PISD: variants seen among roughly 807,000 people sequenced by gnomAD.
PISD encodes the protein phosphatidylserine decarboxylase.
PISD carries 31 observed loss-of-function variants against 43.5 expected under a neutral mutation model. That is an observed-to-expected ratio of 0.71 (90% CI 0.54 to 0.96). The LOEUF (loss-of-function observed/expected upper bound fraction) is 0.96. PISD is among the 40% of genes least tolerant of loss of function. PISD has a pLI of 0.00. For synonymous variants in PISD, 259 were observed against 228.7 expected, an observed-to-expected ratio of 1.13 and a Z score of -1.20; for missense variants, 523 against 548.4, an observed-to-expected ratio of 0.95 and a Z score of 0.46.
At chr22:31,648,362 G>T in intron 2 of PISD, 86 bp from the exon 3 acceptor site, 1 of 1,227,542 alleles carries the variant, frequency 8.1e-7, no homozygotes, top group Non-Finnish European at 1.1e-6. Context: ...GGAGGGTCAG[G>T]AAAAGTCAGC....
chr22:31,655,997 A>G (rs1020364356), intron 1 of PISD, among the ~76,000 whole-genome samples: 2 of 152,002 alleles, frequency 1.3e-5, no homozygotes, highest in African/African-American at 4.8e-5. Flanking sequence ...TGGCAAGGCA[A>G]TGAAAACTAC....
intron 3 of PISD, among the ~76,000 whole-genome samples, chr22:31,636,535 G>A (rs943904886): frequency 3.0e-5 from 4 of 134,380 alleles, no homozygotes; most frequent in African/African-American, 1.1e-4. Context: ...GCTAATTTCT[G>A]GGTTTTGTTT....
In PISD at chr22:31,662,194, C is replaced by T. The variant is rs745754639; in HGVS notation, c.15G>A (p.Val5=). ...GCAGTAATCCCAGACATCGGTGCCCCACGGACGTCGCCATCTTGTCTGCTC... is the reference window on the plus strand; with the variant it reads ...GCAGTAATCCCAGACATCGGTGCCCTACGGACGTCGCCATCTTGTCTGCTC... MATS[V]GHRCLGLLHG... Residue 5 remains valine (V), a synonymous_variant, in exon 1 of 8, where the codon GTG becomes GTA. Coordinates refer to ENST00000439502, the MANE Select transcript of PISD (RefSeq NM_001326411.2). 1 of 1,604,844 alleles carries T rather than the reference C, an allele frequency of 6.2e-7. No homozygotes were observed. Among genetic ancestry groups the T allele is most frequent in the South Asian group, 1.1e-5 (1 of 91,090 alleles).
intron 3 of PISD, among the ~76,000 whole-genome samples, chr22:31,626,565 C>T (rs2072920413): frequency 6.6e-6 from 1 of 152,206 alleles, no homozygotes; most frequent in Admixed American, 6.5e-5. Context: ...CAGCTCCCTG[C>T]TCCAGGCCTC....
intron 1 of PISD, among the ~76,000 whole-genome samples, chr22:31,655,225 G>A (rs1283131785): frequency 6.6e-6 from 1 of 151,822 alleles, no homozygotes; most frequent in Non-Finnish European, 1.5e-5. Context: ...GAATGCTGGA[G>A]TTTATCTGTT....
rs1460620137 is a variant in PISD at position 31,620,668 on chromosome 22, T to C, written c.890A>G (p.Glu297Gly). 2 of 1,614,016 alleles carry C rather than the reference T, an allele frequency of 1.2e-6. No homozygotes were observed. ...CACCCGCTCGTTATGGCAGAAGAGC[T>C]CTTTGATCCAGCGAGCCATGCCAGG... is the stretch of plus-strand genomic sequence containing the variant. ...VNPGMARWIK[E>G]LFCHNERVVL... Residue 297 changes from glutamate to glycine, a missense_variant, in exon 7 of 8, where the codon GAG (glutamate) becomes GGG (glycine). Transcript: ENST00000439502.
chr22:31,662,196 C>T lies in PISD; in HGVS notation c.13G>A (p.Val5Met). The T allele has an allele frequency of 1.9e-6, 3 of 1,604,560 alleles. No individual in the cohort carries two copies. Among genetic ancestry groups the T allele is most frequent in the Non-Finnish European group, 2.5e-6 (3 of 1,179,818 alleles). Residue 5 changes from valine to methionine, a missense_variant, in exon 1 of 8, where the codon GTG becomes ATG. Physicochemically the swap from Val to Met is conservative, Grantham distance 21. Coordinates refer to ENST00000439502, the MANE Select transcript of PISD (RefSeq NM_001326411.2). ...AGTAATCCCAGACATCGGTGCCCCA[C>T]GGACGTCGCCATCTTGTCTGCTCCT... MATS[V>M]GHRCLGLLHG...
rs2072758926 is a variant in PISD, at chr22:31,624,364, C to A, written c.322-2479G>T. Among the ~76,000 whole-genome samples, 4 of 152,208 alleles carry A rather than the reference C, an allele frequency of 2.6e-5. No homozygotes were observed. The South Asian group carries it at 8.3e-4, about 31-fold the overall frequency. ...AGCTACGACCCAGCCAGCTGGGTAACCATTTGCTGAGTCTTCCGCTACCAT... is the reference window on the plus strand; with the variant it reads ...AGCTACGACCCAGCCAGCTGGGTAAACATTTGCTGAGTCTTCCGCTACCAT... On this transcript the variant is annotated intron_variant, in intron 3 of 7. Transcript: ENST00000439502.
Position 31,618,618 on chromosome 22 carries a change from C to T in PISD, c.*994G>A, listed in dbSNP as rs958222471. ...GTTGAAAAAATTCAATGATGTCTCT[C>T]CTGCAGGAGAAATTCACAGCATCCC... is the stretch of plus-strand genomic sequence containing the variant. On this transcript the variant is annotated 3_prime_UTR_variant, in exon 8 of 8. Coordinates refer to ENST00000439502, the MANE Select transcript of PISD (RefSeq NM_001326411.2). The T allele has an allele frequency of 2.1e-5, 10 of 484,514 alleles. No homozygotes were observed. Among genetic ancestry groups the T allele is most frequent in the Non-Finnish European group, 3.4e-5 (10 of 293,734 alleles). 30.0% of individuals were successfully genotyped at this position (484,514 alleles called of 1,614,324 possible). A position where few individuals can be genotyped will look rare whatever the true frequency, so the allele number is the denominator to read the frequency against.
chr22:31,642,120 C>A (rs928075833), intron 3 of PISD, among the ~76,000 whole-genome samples: 5 of 151,256 alleles, frequency 3.3e-5, no homozygotes, highest in Admixed American at 6.6e-5. Flanking sequence ...GGTAAAGCCT[C>A]AGTGGCAACC....
At chr22:31,649,447 T>A (rs539406586) in intron 2 of PISD, among the ~76,000 whole-genome samples, 1 of 152,190 alleles carries the variant, frequency 6.6e-6, no homozygotes, top group African/African-American at 2.4e-5. Context: ...TAAAATGAGG[T>A]TGCAGGCTGG....
chr22:31,619,555 A>G lies in PISD; in HGVS notation c.*57T>C. 1 of 1,469,938 alleles carries G rather than the reference A, an allele frequency of 6.8e-7. No individual in the cohort carries two copies. The highest frequency in any genetic ancestry group is 1.4e-5 in the African/African-American group (1 of 72,098). 91.1% of individuals were successfully genotyped at this position (1,469,938 alleles called of 1,614,324 possible). On this transcript the variant is annotated 3_prime_UTR_variant, in exon 8 of 8. Transcript: ENST00000439502. ...TGGCCTCATGGGCCTCCCTCTTGAAAAGACCCTCACTCTGTTTGGAAAAGA... is the reference window on the plus strand; with the variant it reads ...TGGCCTCATGGGCCTCCCTCTTGAAGAGACCCTCACTCTGTTTGGAAAAGA...
intron 3 of PISD, among the ~76,000 whole-genome samples, chr22:31,644,401 G>C (rs1268419074): frequency 6.6e-6 from 1 of 151,650 alleles, no homozygotes; most frequent in Non-Finnish European, 1.5e-5. Context: ...CACCATGCCT[G>C]GCTAATTTTT....
rs182591683 is a variant in PISD, at chr22:31,641,606, A to G, written c.321+6495T>C. The stretch of plus-strand genomic sequence containing the variant: ...GAGGTGGGCAGATCACCTGAGGTCA[A>G]GAGTTCAAGAACAGCCTGGCCAACA... On this transcript the variant is annotated intron_variant, in intron 3 of 7. Coordinates refer to ENST00000439502, the MANE Select transcript of PISD (RefSeq NM_001326411.2). Among the ~76,000 whole-genome samples the G allele has an allele frequency of 5.4e-3, 795 of 146,746 alleles. 15 individuals carry two copies. The highest frequency in any genetic ancestry group is 0.021 in the African/African-American group (749 of 36,496).
intron 1 of PISD, among the ~76,000 whole-genome samples, chr22:31,656,096 C>A (rs1171470296): frequency 1.3e-5 from 2 of 151,950 alleles, no homozygotes; most frequent in Non-Finnish European, 2.9e-5. Context: ...GAGTTTGAGA[C>A]CAGCCTCGCC....
intron 3 of PISD, among the ~76,000 whole-genome samples, chr22:31,638,881 G>A (rs1438708371): frequency 2.0e-5 from 3 of 148,792 alleles, no homozygotes; most frequent in African/African-American, 5.0e-5. Context: ...GTGCAATGGC[G>A]CAGTTTCAGC....
At chr22:31,641,078 G>A (rs2073711408) in intron 3 of PISD, among the ~76,000 whole-genome samples, 1 of 150,632 alleles carries the variant, frequency 6.6e-6, no homozygotes, top group Non-Finnish European at 1.5e-5. Flanking sequence ...GTAGAAGAGG[G>A]GTTCCACCAT....
At chr22:31,662,366 T>A (rs1327720512), upstream of PISD, 2 of 704,094 alleles carry the variant, frequency 2.8e-6, no homozygotes, top group East Asian at 5.3e-5. Flanking sequence ...CCTAACCCGC[T>A]TGGCACCTGC....
At chr22:31,651,495 T>G (rs2074026621) in intron 1 of PISD, among the ~76,000 whole-genome samples, 1 of 152,344 alleles carries the variant, frequency 6.6e-6, no homozygotes, top group South Asian at 2.1e-4. Context: ...AAAGGCTTTT[T>G]GGGTTTTTTT....
Sources: gnomAD v4.1 joint callset for allele counts (sites outside exome capture counted in the v4.1 genomes callset) on GRCh38, gnomAD v4.1.1 for gene constraint, MANE v1.5 for transcripts, NCBI Gene and HGNC (gene_info 2026-07-23, HGNC 2026-07-21) for gene names.